The following CSNK1G3 variants were observed in gnomAD, a reference collection of about 807,000 sequenced individuals.
CSNK1G3 encodes casein kinase I isoform gamma-3.
CSNK1G3 carries 23 observed loss-of-function variants against 64.3 expected under a neutral mutation model. The ratio of observed to expected loss-of-function variants is 0.36; its 90% CI spans 0.26 to 0.51. The LOEUF (loss-of-function observed/expected upper bound fraction) is 0.51. CSNK1G3 is among the 20% of genes least tolerant of loss of function. The pLI, the probability that CSNK1G3 is intolerant of heterozygous loss-of-function variation, is 0.96. For missense variants in CSNK1G3, 357 were observed against 510.5 expected, an observed-to-expected ratio of 0.70 and a Z score of 2.90; for synonymous variants, 158 against 162.2, an observed-to-expected ratio of 0.97 and a Z score of 0.20.
At chr5:123,599,364 G>A (rs1794031766) in intron 10 of CSNK1G3, among the ~76,000 whole-genome samples, 1 of 152,208 alleles carries the variant, frequency 6.6e-6, no homozygotes, top group South Asian at 2.1e-4. Context: ...AAATGGTGCA[G>A]ATATGTTGTG....
At chr5:123,588,499 G>C (rs745372799) in exon 8 of CSNK1G3, 24 of 1,607,234 alleles carry the variant, frequency 1.5e-5, no homozygotes, top group Non-Finnish European at 2.0e-5. Flanking sequence ...AGTGTTATGT[G>C]AAAATTTTCC....
intron 1 of CSNK1G3, among the ~76,000 whole-genome samples, chr5:123,529,927 A>G (rs185529936): frequency 6.6e-6 from 1 of 152,074 alleles, no homozygotes. Flanking sequence ...GCATGAGCTC[A>G]GAAGTTTGAG....
intron 1 of CSNK1G3, among the ~76,000 whole-genome samples, chr5:123,536,036 A>G (rs946966098): frequency 2.0e-5 from 3 of 152,074 alleles, no homozygotes; most frequent in Non-Finnish European, 4.4e-5. Context: ...AAAGTCCTTT[A>G]TGTGCTTTTA....
At chr5:123,596,094 T>C (rs537215765) in intron 10 of CSNK1G3, among the ~76,000 whole-genome samples, 1 of 152,092 alleles carries the variant, frequency 6.6e-6, no homozygotes, top group African/African-American at 2.4e-5. Context: ...TCTTTCTTGA[T>C]TTGAGTTCTA....
At chr5:123,615,398 T>C (rs1313830029) in exon 13 of CSNK1G3, 1 of 152,514 alleles carries the variant, frequency 6.6e-6, no homozygotes, top group Non-Finnish European at 1.5e-5. Flanking sequence ...ATTTTGCTCT[T>C]TGATTAAAAA....
intron 1 of CSNK1G3, among the ~76,000 whole-genome samples, chr5:123,540,497 A>G (rs1276671486): frequency 1.3e-5 from 2 of 152,080 alleles, no homozygotes; most frequent in Admixed American, 1.3e-4. Context: ...TCTGCTAAGC[A>G]TTAGAATTGC....
intron 12 of CSNK1G3, among the ~76,000 whole-genome samples, chr5:123,610,434 A>C (rs1284935561): frequency 2.6e-5 from 4 of 152,266 alleles, no homozygotes; most frequent in Non-Finnish European, 4.4e-5. Flanking sequence ...GAGTCATCTT[A>C]GAAGGGATAA....
chr5:123,550,142 A>G (rs1345635829), intron 2 of CSNK1G3, among the ~76,000 whole-genome samples: 1 of 152,234 alleles, frequency 6.6e-6, no homozygotes, highest in East Asian at 1.9e-4. Flanking sequence ...TGTAATAACT[A>G]AGGAATAGAC....
intron 10 of CSNK1G3, among the ~76,000 whole-genome samples, chr5:123,593,936 G>A (rs939819504): frequency 6.6e-6 from 1 of 151,980 alleles, no homozygotes; most frequent in African/African-American, 2.4e-5. Context: ...GACTTTGTTT[G>A]AAAAAGAAAG....
In CSNK1G3 at chr5:123,566,891, G is replaced by A. The variant is rs556043039; in HGVS notation, c.290-6502G>A. On this transcript the variant is annotated intron_variant, in intron 4 of 12. Coordinates refer to ENST00000345990, the Ensembl canonical transcript of CSNK1G3. ...ATCACCAGTGCTTCCAGTAATGTTA[G>A]CTTTCTGCTTTTTTCTTATGTTATC... is the stretch of plus-strand genomic sequence containing the variant. Among the ~76,000 whole-genome samples the A allele has an allele frequency of 3.9e-5, 6 of 152,108 alleles. 1 individual carries two copies. In the East Asian group the frequency reaches 1.2e-3, roughly 29 times the overall value.
At chr5:123,568,538 T>A (rs1787413063) in intron 4 of CSNK1G3, among the ~76,000 whole-genome samples, 1 of 152,208 alleles carries the variant, frequency 6.6e-6, no homozygotes. Flanking sequence ...CTTTTTCACC[T>A]TTCCAATTTG....
intron 5 of CSNK1G3, among the ~76,000 whole-genome samples, chr5:123,574,895 T>C (rs866850890): frequency 1.3e-5 from 2 of 152,162 alleles, no homozygotes; most frequent in Non-Finnish European, 1.5e-5. Flanking sequence ...TTCATGACTT[T>C]GCAAATGCTC....
intron 1 of CSNK1G3, among the ~76,000 whole-genome samples, chr5:123,517,933 A>G (rs75571244): frequency 7.2e-6 from 1 of 138,412 alleles, no homozygotes; most frequent in African/African-American, 3.1e-5. Context: ...CTCTTTAAGA[A>G]AAAAAAAAAA....
chr5:123,520,329 T>C (rs1356012344), intron 1 of CSNK1G3, among the ~76,000 whole-genome samples: 1 of 152,180 alleles, frequency 6.6e-6, no homozygotes, highest in East Asian at 1.9e-4. Context: ...TCCATCCATC[T>C]TCTGGAAGAA....
chr5:123,615,430 G>C (rs540720525), exon 13 of CSNK1G3: 10 of 152,502 alleles, frequency 6.6e-5, no homozygotes, highest in Non-Finnish European at 1.5e-4. Flanking sequence ...GCAATAAAAA[G>C]TGGGTCACTC....
exon 2 of CSNK1G3, chr5:123,545,791 T>A: frequency 6.2e-7 from 1 of 1,613,692 alleles, no homozygotes; most frequent in Non-Finnish European, 8.5e-7. Flanking sequence ...GGACCTAACT[T>A]TAGAGTTGGA....
At chr5:123,612,368 T>C (rs1380661700) in intron 12 of CSNK1G3, among the ~76,000 whole-genome samples, 1 of 152,222 alleles carries the variant, frequency 6.6e-6, no homozygotes, top group East Asian at 1.9e-4. Context: ...TTATGTAATT[T>C]AACTGGACAG....
intron 4 of CSNK1G3, among the ~76,000 whole-genome samples, chr5:123,558,249 T>TA (rs1785005033): frequency 6.6e-6 from 1 of 152,216 alleles, no homozygotes; most frequent in Non-Finnish European, 1.5e-5. Context: ...AGTAATTTGT[T>TA]ACAGCAGCCG....
chr5:123,593,899 C>T (rs974030483), intron 10 of CSNK1G3, among the ~76,000 whole-genome samples: 2 of 152,048 alleles, frequency 1.3e-5, no homozygotes, highest in Non-Finnish European at 1.5e-5. Flanking sequence ...CTCCAATATG[C>T]TTGGCACTTT....
Sources: gnomAD v4.1 joint callset for allele counts (sites outside exome capture counted in the v4.1 genomes callset) on GRCh38, gnomAD v4.1.1 for gene constraint, MANE v1.5 for transcripts, NCBI Gene and HGNC (gene_info 2026-07-23, HGNC 2026-07-21) for gene names.